AGAP3: variants seen among roughly 807,000 people sequenced by gnomAD.
AGAP3 encodes ArfGAP with GTPase domain, ankyrin repeat and PH domain 3, also known as arf-GAP with GTPase, ANK repeat and PH domain-containing protein 3.
A neutral mutation model predicts 96.9 loss-of-function variants in AGAP3; 24 were observed. The ratio of observed to expected loss-of-function variants is 0.25; its 90% confidence interval spans 0.18 to 0.35. The LOEUF is 0.35. Ranked by LOEUF, AGAP3 falls within the 10% of genes least tolerant of loss-of-function variation. AGAP3 has a pLI of 1.00. For synonymous variants in AGAP3, 563 were observed against 536.1 expected (o/e 1.05, Z -0.69); for missense variants, 876 against 1,254.2 (o/e 0.70, Z 4.55).
At chr7:151,097,109 G>A (rs373428476) in intron 1 of AGAP3, among the ~76,000 whole-genome samples, 2 of 152,036 alleles carry the variant, frequency 1.3e-5, no homozygotes, top group South Asian at 4.1e-4. Context: ...TTTTCAAGTA[G>A]CCATATTAAA....
intron 9 of AGAP3, among the ~76,000 whole-genome samples, chr7:151,125,612 C>T (rs1800122608): frequency 6.6e-6 from 1 of 151,508 alleles, no homozygotes; most frequent in Non-Finnish European, 1.5e-5. Flanking sequence ...GGGCGGGGCG[C>T]GTCCGTTCTC....
chr7:151,116,769 A>C, intron 1 of AGAP3, 24 bp from the exon 2 acceptor site: 3 of 1,613,944 alleles, frequency 1.9e-6, no homozygotes, highest in Non-Finnish European at 2.5e-6. Context: ...CCTGGCCCTG[A>C]CGGGGCGGCT....
chr7:151,104,935 T>C (rs573321300), intron 1 of AGAP3, among the ~76,000 whole-genome samples: 1 of 152,158 alleles, frequency 6.6e-6, no homozygotes, highest in East Asian at 1.9e-4. Flanking sequence ...GCCAACCCAG[T>C]GGCCTGGGGA....
rs1042615943 is a variant in AGAP3 at position 151,142,698 on chromosome 7, G to A, written c.2273+64G>A. The A allele has an allele frequency of 2.6e-6, 4 of 1,526,752 alleles. No individual in the cohort carries two copies. The African/African-American group carries it at 4.1e-5, about 16-fold the overall frequency. The allele number at this position is 1,526,752 out of a possible 1,614,324, so 94.6% of individuals were successfully genotyped here. A position where few individuals can be genotyped will look rare whatever the true frequency, so the allele number is the denominator to read the frequency against. On this transcript the variant is annotated intron_variant, in intron 16 of 17. Coordinates refer to ENST00000397238, the MANE Select transcript of AGAP3 (RefSeq NM_031946.7). This position sits in a 1 kb window ranked among gnomAD's most constrained non-coding sequence, Gnocchi z 7.5. ...GAAGCGTTGGGGGCTCCCAGCATGG[G>A]GAAGATTGGAGTGGCTGTGATGGTA...
chr7:151,120,252 C>T (rs557611086), intron 8 of AGAP3, 107 bp downstream of exon 8: 40 of 1,206,976 alleles, frequency 3.3e-5, no homozygotes, highest in Middle Eastern at 2.0e-4. Flanking sequence ...GTCAGGAAGA[C>T]GGTACCTGCA....
chr7:151,115,412 G>C (rs1158776189), intron 1 of AGAP3: 1 of 1,008,990 alleles, frequency 9.9e-7, no homozygotes, highest in Non-Finnish European at 1.2e-6. Context: ...CGCCGCGCGC[G>C]CGCACCCGTA....
intron 1 of AGAP3, among the ~76,000 whole-genome samples, chr7:151,098,933 A>G (rs978448889): frequency 1.7e-4 from 26 of 151,290 alleles, no homozygotes; most frequent in Admixed American, 7.2e-4. Context: ...ACGGGGTTTC[A>G]CCATGTTGGC....
intron 8 of AGAP3, chr7:151,120,968 T>C (rs1183890747): frequency 1.6e-6 from 1 of 606,950 alleles, no homozygotes; most frequent in Non-Finnish European, 2.1e-6. Flanking sequence ...CAGACAAAGG[T>C]GGGTGAACCC....
chr7:151,097,983 C>G (rs943319990), intron 1 of AGAP3, among the ~76,000 whole-genome samples: 6 of 152,234 alleles, frequency 3.9e-5, no homozygotes, highest in Middle Eastern at 3.2e-3. Context: ...CCGCATGGGA[C>G]TGGCCATGTT....
chr7:151,094,815 C>A (rs558433322), intron 1 of AGAP3, among the ~76,000 whole-genome samples: 1 of 151,068 alleles, frequency 6.6e-6, no homozygotes, highest in South Asian at 2.1e-4. Context: ...TGCCTGGCCT[C>A]CCCTCCCTTC....
Position 151,143,323 on chromosome 7 carries a change from A to T in AGAP3, c.2274-18A>T. The T allele has an allele frequency of 6.3e-7, 1 of 1,597,408 alleles. No individual in the cohort carries two copies. Among genetic ancestry groups the T allele is most frequent in the South Asian group, 1.1e-5 (1 of 88,726 alleles). On this transcript the variant is annotated intron_variant, in intron 16 of 17. Coordinates refer to ENST00000397238, the MANE Select transcript of AGAP3 (RefSeq NM_031946.7). The surrounding 1 kb of genome is among the most constrained non-coding windows in gnomAD (Gnocchi z 5.9). ...GTGACCTTCCTTGGCTCATGCCCTGATGGGCCTGTGGTTGCAGAGAGGAGA... is the reference window on the plus strand; with the variant it reads ...GTGACCTTCCTTGGCTCATGCCCTGTTGGGCCTGTGGTTGCAGAGAGGAGA...
In AGAP3 at chr7:151,118,434, T is replaced by TG; in HGVS notation, c.842-65dup. 1 of 1,600,462 alleles carries TG rather than the reference T, an allele frequency of 6.2e-7. No individual in the cohort carries two copies. On this transcript the variant is annotated intron_variant, in intron 6 of 17. Transcript: ENST00000397238. The surrounding 1 kb of genome is among the most constrained non-coding windows in gnomAD (Gnocchi z 6.1). Reference sequence around the variant, plus strand: ...CCCAGTGAGAGCAAGGCTGTGTGTCTGGGGGGAGGTGCTAAGCCAGGCTTT... The same window carrying TG: ...CCCAGTGAGAGCAAGGCTGTGTGTCTGGGGGGGAGGTGCTAAGCCAGGCTTT...
chr7:151,143,829 G>A lies in AGAP3; in HGVS notation c.2622G>A (p.Leu874=). The part of the protein sequence containing the change: ...RAGSQECADI[L]IQHGCPGEGC... ...GCAGCCAGGAGTGTGCAGACATCTT[G>A]ATCCAGCATGGCTGCCCTGGGGAGG... The change falls in exon 18 of 18, where the codon TTG becomes TTA. Residue 874 remains leucine, a synonymous_variant. Coordinates refer to ENST00000397238, the MANE Select transcript of AGAP3 (RefSeq NM_031946.7). The surrounding 1 kb of genome is among the most constrained non-coding windows in gnomAD (Gnocchi z 5.9). 1 of 1,614,058 alleles carries A rather than the reference G, an allele frequency of 6.2e-7. No homozygotes were observed.
chr7:151,123,483 C>T (rs1405228690), intron 8 of AGAP3: 14 of 1,195,230 alleles, frequency 1.2e-5, no homozygotes, highest in Non-Finnish European at 1.5e-5. Flanking sequence ...CCACCGTCCA[C>T]CTCCTCGCCC....
At chr7:151,125,592 C>G (rs1800121419) in intron 9 of AGAP3, among the ~76,000 whole-genome samples, 1 of 152,226 alleles carries the variant, frequency 6.6e-6, no homozygotes, top group African/African-American at 2.4e-5. Context: ...CTGTAACGAT[C>G]GCTCGCTAGG....
rs1800930573 is a variant in AGAP3, at chr7:151,144,116, GC to G, written c.*174del. Reference sequence around the variant, plus strand: ...GGATCAAGGAGAGTTGGGGATTTGAGCTGCAGCAGAGAGGGATGAGGGATTT... The same window carrying G: ...GGATCAAGGAGAGTTGGGGATTTGAGTGCAGCAGAGAGGGATGAGGGATTT... On this transcript the variant is annotated 3_prime_UTR_variant, in exon 18 of 18. Coordinates refer to ENST00000397238, the MANE Select transcript of AGAP3 (RefSeq NM_031946.7). The G allele has an allele frequency of 1.4e-6, 1 of 717,220 alleles. No homozygotes were observed. Among genetic ancestry groups the G allele is most frequent in the Admixed American group, 2.9e-5 (1 of 34,778 alleles). 44.4% of individuals were successfully genotyped at this position (717,220 alleles called of 1,614,324 possible). A position where few individuals can be genotyped will look rare whatever the true frequency, so the allele number is the denominator to read the frequency against.
intron 11 of AGAP3, among the ~76,000 whole-genome samples, chr7:151,134,976 C>T (rs1800537901): frequency 6.6e-6 from 1 of 152,132 alleles, no homozygotes; most frequent in Non-Finnish European, 1.5e-5. Flanking sequence ...CAACCTGGTG[C>T]ATATTCTCAG....
intron 1 of AGAP3, chr7:151,115,773 C>A: frequency 2.0e-6 from 1 of 497,204 alleles, no homozygotes; most frequent in Non-Finnish European, 2.7e-6. Flanking sequence ...GAGTGTCGTC[C>A]GCGCCTGGCG....
intron 8 of AGAP3, 33 bp from the exon 9 acceptor site, chr7:151,123,761 C>G (rs908285970): frequency 6.2e-7 from 1 of 1,611,496 alleles, no homozygotes; most frequent in Admixed American, 1.7e-5. Flanking sequence ...AGACCCTGGG[C>G]CTCTTTAACA....
Sources: gnomAD v4.1 joint callset for allele counts (sites outside exome capture counted in the v4.1 genomes callset) on GRCh38, gnomAD v4.1.1 for gene constraint, Gnocchi (gnomAD v3.1) non-coding constraint, MANE v1.5 for transcripts, NCBI Gene and HGNC (gene_info 2026-07-23, HGNC 2026-07-21) for gene names.